WASHC4: variants seen among roughly 807,000 people sequenced by gnomAD.
WASHC4 encodes the protein WASH complex subunit 4, also known as WASH complex subunit 7.
WASHC4 carries 86 observed loss-of-function variants against 166.6 expected under a neutral mutation model. The observed-to-expected ratio is 0.52, with a 90% CI of 0.43 to 0.62. The LOEUF (loss-of-function observed/expected upper bound fraction) is 0.62. WASHC4 is among the 20% of genes least tolerant of loss of function. The pLI is 0.00. For synonymous variants in WASHC4, 446 were observed against 451.6 expected, an observed-to-expected ratio of 0.99 and a Z score of 0.16; for missense variants, 1,262 against 1,382.4, an observed-to-expected ratio of 0.91 and a Z score of 1.38.
At chr12:105,142,199 A>T (rs1328539382) in intron 18 of WASHC4, among the ~76,000 whole-genome samples, 1 of 152,130 alleles carries the variant, frequency 6.6e-6, no homozygotes, top group Non-Finnish European at 1.5e-5. Context: ...TATTATGCAT[A>T]TCATTTTTCA....
intron 24 of WASHC4, chr12:105,148,783 T>C (rs1441626575): frequency 8.1e-6 from 8 of 985,066 alleles, no homozygotes; most frequent in Non-Finnish European, 9.6e-6. Flanking sequence ...GAAATGAATT[T>C]AGGGTTTTCA....
intron 29 of WASHC4, among the ~76,000 whole-genome samples, chr12:105,160,657 T>C (rs1884441253): frequency 6.6e-6 from 1 of 152,228 alleles, no homozygotes; most frequent in African/African-American, 2.4e-5. Context: ...TGGCCTAAGA[T>C]AGATTCTTAT....
intron 15 of WASHC4, among the ~76,000 whole-genome samples, chr12:105,139,650 CTTT>C (rs1250079087): frequency 2.0e-5 from 3 of 151,298 alleles, no homozygotes; most frequent in Non-Finnish European, 4.4e-5. Flanking sequence ...TATGTTTCTT[CTTT>C]TGTGAAAAAT....
At chr12:105,125,964 A>G (rs769037304) in intron 10 of WASHC4, 40 bp from the exon 11 acceptor site, 4 of 1,587,068 alleles carry the variant, frequency 2.5e-6, no homozygotes, top group Non-Finnish European at 2.6e-6. Flanking sequence ...ATCGTTTATT[A>G]TTGAGAGTCT....
chr12:105,139,431 A>G (rs927606409), intron 15 of WASHC4, among the ~76,000 whole-genome samples: 10,271 of 78,032 alleles, frequency 0.13, 1,230 homozygotes, highest in African/African-American at 0.34. Flanking sequence ...GTGTGTATAT[A>G]TATATATATA....
intron 13 of WASHC4, among the ~76,000 whole-genome samples, chr12:105,130,870 A>G (rs930452054): frequency 4.0e-5 from 6 of 151,716 alleles, no homozygotes; most frequent in Non-Finnish European, 8.8e-5. Flanking sequence ...CTTTGTTTCA[A>G]CCCCCCATGT....
chr12:105,114,108 A>G, intron 2 of WASHC4, 108 bp from the exon 3 acceptor site: 2 of 922,132 alleles, frequency 2.2e-6, no homozygotes, highest in East Asian at 2.6e-5. Flanking sequence ...TGTTGAGTAC[A>G]GGATCTAACA....
At position 105,137,977 on chromosome 12, in the gene WASHC4, T is replaced by C; in HGVS notation, c.1418T>C (p.Val473Ala). ...CAAAAGCCAATGACCAAAACCTCAG[T>C]TAAGGCATTGTGCAGGCTTGTTGAA... ...SMQKPMTKTS[V>A]KALCRLVELL... Residue 473 changes from valine (V) to alanine (A), a missense_variant, in exon 15 of 33, where the codon GTT becomes GCT. Physicochemically the swap from Val to Ala is moderately conservative, Grantham distance 64. Coordinates refer to ENST00000332180, the MANE Select transcript of WASHC4 (RefSeq NM_015275.3). The C allele has an allele frequency of 6.2e-7, 1 of 1,613,220 alleles. No individual in the cohort carries two copies. Among genetic ancestry groups the C allele is most frequent in the Non-Finnish European group, 8.5e-7 (1 of 1,179,354 alleles).
Position 105,168,578 on chromosome 12 carries a change from G to A in WASHC4, c.*1647G>A, listed in dbSNP as rs1884926812. 3 of 152,080 alleles carry A rather than the reference G, an allele frequency of 2.0e-5. No individual in the cohort carries two copies. The highest frequency in any genetic ancestry group is 2.0e-4 in the Admixed American group (3 of 15,244). The allele number at this position is 152,080 out of a possible 1,614,324, so 9.4% of individuals were successfully genotyped here. On this transcript the variant is annotated 3_prime_UTR_variant, in exon 33 of 33. Coordinates refer to ENST00000332180, the MANE Select transcript of WASHC4 (RefSeq NM_015275.3). ...AGGGATAGAAATTGTTACTAGAAGA[G>A]AATCACATGTTCTGTGTTCATTATC...
intron 24 of WASHC4, chr12:105,148,229 A>G (rs868060157): frequency 4.7e-5 from 46 of 985,270 alleles, no homozygotes; most frequent in Middle Eastern, 1.0e-3. Context: ...TATAGAAATG[A>G]AACATACAAT....
intron 15 of WASHC4, among the ~76,000 whole-genome samples, chr12:105,138,924 A>G (rs1299303742): frequency 6.6e-6 from 1 of 152,102 alleles, no homozygotes; most frequent in Non-Finnish European, 1.5e-5. Context: ...TGTTACCAAT[A>G]TTTTCAAATG....
At chr12:105,124,701 G>A (rs1000704280) in intron 10 of WASHC4, among the ~76,000 whole-genome samples, 82 of 152,072 alleles carry the variant, frequency 5.4e-4, no homozygotes, top group African/African-American at 1.9e-3. Context: ...GGCTGGTCTC[G>A]AACTCCTGAC....
At chr12:105,120,457 T>C in intron 7 of WASHC4, 98 bp from the exon 8 acceptor site, 1 of 741,996 alleles carries the variant, frequency 1.3e-6, no homozygotes, top group Non-Finnish European at 2.4e-6. Context: ...AGATAAATAT[T>C]AAAATTCCAA....
chr12:105,144,175 A>T, intron 20 of WASHC4, 112 bp from the exon 21 acceptor site: 1 of 814,062 alleles, frequency 1.2e-6, no homozygotes, highest in East Asian at 2.6e-5. Context: ...AATTTATGTA[A>T]CTGCTTCTGA....
At position 105,152,735 on chromosome 12, in the gene WASHC4, A is replaced by G. The variant is rs139316619; in HGVS notation, c.2758+284A>G. Among the ~76,000 whole-genome samples the G allele has an allele frequency of 1.1e-3, 170 of 152,342 alleles. 3 individuals are homozygous for G. Among genetic ancestry groups the G allele is most frequent in the Non-Finnish European group, 8.8e-4 (60 of 68,036 alleles). ...GTCATATTAATAATTGTAAACTGGT[A>G]AGTACTTACTGAATACCTGCTCTGT... On this transcript the variant is annotated intron_variant, in intron 26 of 32. Coordinates refer to ENST00000332180, the MANE Select transcript of WASHC4 (RefSeq NM_015275.3).
intron 14 of WASHC4, among the ~76,000 whole-genome samples, chr12:105,134,258 T>C (rs996906208): frequency 1.3e-5 from 2 of 152,144 alleles, no homozygotes; most frequent in Non-Finnish European, 1.5e-5. Flanking sequence ...GTAGCAATAA[T>C]TAAATAATTT....
At chr12:105,164,577 A>G (rs1220460278) in intron 31 of WASHC4, 64 bp from the exon 32 acceptor site, 2 of 1,123,262 alleles carry the variant, frequency 1.8e-6, no homozygotes, top group Non-Finnish European at 1.3e-6. Context: ...AAATGCATAT[A>G]TTTTTGGTAT....
At chr12:105,143,405 T>A (rs1203250743) in intron 20 of WASHC4, among the ~76,000 whole-genome samples, 162 bp downstream of exon 20, 1 of 152,032 alleles carries the variant, frequency 6.6e-6, no homozygotes, top group Non-Finnish European at 1.5e-5. Context: ...TTGTGCTAAT[T>A]GGTCTGTAAT....
intron 25 of WASHC4, 42 bp from the exon 26 acceptor site, chr12:105,152,301 T>G: frequency 1.0e-6 from 1 of 999,288 alleles, no homozygotes; most frequent in Non-Finnish European, 1.6e-6. Context: ...TTTTGTGCTT[T>G]AGAAATCTTT....
Sources: gnomAD v4.1 joint callset for allele counts (sites outside exome capture counted in the v4.1 genomes callset) on GRCh38, gnomAD v4.1.1 for gene constraint, MANE v1.5 for transcripts, NCBI Gene and HGNC (gene_info 2026-07-23, HGNC 2026-07-21) for gene names.